Variants in LTBP4 observed in about 807,000 individuals in gnomAD.
LTBP4 encodes the protein latent-transforming growth factor beta-binding protein 4.
Under a neutral mutation model 180.2 loss-of-function variants are expected in LTBP4, and 93 were observed. That is an observed-to-expected ratio of 0.52 (90% CI 0.44 to 0.61). The LOEUF is 0.61. LTBP4 is among the 20% of genes least tolerant of loss of function. LTBP4 has a pLI of 0.00. For synonymous variants in LTBP4, 947 were observed against 934.5 expected (o/e 1.01, Z -0.24); for missense variants, 2,116 against 2,256.5 (o/e 0.94, Z 1.26).
At chr19:40,624,232 C>A in intron 26 of LTBP4, 150 bp downstream of exon 26, 1 of 1,010,766 alleles carries the variant, frequency 9.9e-7, no homozygotes, top group Non-Finnish European at 1.3e-6. Flanking sequence ...CACTCAGTCT[C>A]TGTCCCACTG....
At chr19:40,621,883 G>T (rs562114371) in intron 22 of LTBP4, among the ~76,000 whole-genome samples, 1 of 152,166 alleles carries the variant, frequency 6.6e-6, no homozygotes, top group South Asian at 2.1e-4. Context: ...AAGTAGCTGG[G>T]ATTACAGGCA....
Position 40,613,845 on chromosome 19 carries a change from T to C in LTBP4, c.2558-71T>C. On this transcript the variant is annotated intron_variant, in intron 17 of 29. Transcript: ENST00000396819. The surrounding 1 kb of genome is among the most constrained non-coding windows in gnomAD (Gnocchi z 5.0). ...GAGGCCTAGGAGAGCCGAGGGGCGG[T>C]GGAGGGGTGTGGCCTAGAATGTTAG... 6.2e-7 allele frequency: 1 copy of C among 1,600,850 alleles called. No homozygotes were observed. The highest frequency in any genetic ancestry group is 8.5e-7 in the Non-Finnish European group (1 of 1,174,398).
chr19:40,621,669 T>A (rs922526693), intron 22 of LTBP4, among the ~76,000 whole-genome samples: 12 of 150,132 alleles, frequency 8.0e-5, no homozygotes, highest in African/African-American at 2.5e-4. Flanking sequence ...GAGAAGGTGG[T>A]GGGAGAAAAA....
Position 40,625,881 on chromosome 19 carries a change from A to G in LTBP4, c.3857A>G (p.Gln1286Arg). ...GATGACAATCTGGGAGTGTGCTGGC[A>G]GGAAGTGGGGGCTGACCTCGTGTGC... is the stretch of plus-strand genomic sequence containing the variant. Reference protein sequence around the residue: ...SLDDNLGVCWQEVGADLVCSH... With the variant: ...SLDDNLGVCWREVGADLVCSH... The change falls in exon 27 of 30, where the codon CAG becomes CGG. Residue 1286 changes from glutamine (Q) to arginine (R), a missense_variant. Transcript: ENST00000396819. 1 of 1,596,138 alleles carries G rather than the reference A, an allele frequency of 6.3e-7. No homozygotes were observed. The highest frequency in any genetic ancestry group is 8.5e-7 in the Non-Finnish European group (1 of 1,172,296).
intron 15 of LTBP4, among the ~76,000 whole-genome samples, chr19:40,612,757 A>G (rs1476255734): frequency 2.0e-5 from 3 of 152,080 alleles, no homozygotes; most frequent in Non-Finnish European, 4.4e-5. Context: ...AATCCCATCC[A>G]ATGATCCTAG....
rs1422978705 is a variant in LTBP4 at position 40,614,517 on chromosome 19, AG to A, written c.2812+73del. ...CTGGAGGCTGCTCCCTTGGGGACTG[AG>A]GAGGGGCGCCCTGCTTCCCAGACTT... On this transcript the variant is annotated intron_variant, in intron 19 of 29. Coordinates refer to ENST00000396819, the MANE Select transcript of LTBP4 (RefSeq NM_001042545.2). 4.6e-6 allele frequency: 7 copies of A among 1,527,556 alleles called. No individual in the cohort carries two copies. The African/African-American group carries it at 8.2e-5, about 18-fold the overall frequency. The allele number at this position is 1,527,556 out of a possible 1,614,324, so 94.6% of individuals were successfully genotyped here.
intron 8 of LTBP4, 30 bp from the exon 9 acceptor site, chr19:40,608,454 C>A: frequency 6.3e-7 from 1 of 1,592,302 alleles, no homozygotes; most frequent in Non-Finnish European, 8.6e-7. Context: ...AGGATTTGGG[C>A]TCCACTCGTT....
In LTBP4 at chr19:40,611,204, G is replaced by A; in HGVS notation, c.1863G>A (p.Lys621=). The A allele has an allele frequency of 6.2e-7, 1 of 1,613,970 alleles. No individual in the cohort carries two copies. Among genetic ancestry groups the A allele is most frequent in the Non-Finnish European group, 8.5e-7 (1 of 1,179,874 alleles). Reference sequence around the variant, plus strand: ...GCCTGTGTGGCCGAGGGGCCTGCAAGAACCTGCCTGGCTCTTTCCGCTGTG... The same window carrying A: ...GCCTGTGTGGCCGAGGGGCCTGCAAAAACCTGCCTGGCTCTTTCCGCTGTG... ...SPGLCGRGAC[K]NLPGSFRCVC... The change falls in exon 13 of 30, where the codon AAG becomes AAA. Residue 621 remains lysine, a synonymous_variant. Transcript: ENST00000396819. This position sits in a 1 kb window ranked among gnomAD's most constrained non-coding sequence, Gnocchi z 4.4.
rs544671195 is a variant in LTBP4, at chr19:40,605,073, G to C, written c.289G>C (p.Val97Leu). 5.6e-6 allele frequency: 9 copies of C among 1,613,794 alleles called. No individual in the cohort carries two copies. In the East Asian group the frequency reaches 1.8e-4, roughly 32 times the overall value. ...GATCTGTCACAATGGCGGTGTGTGCGTGAAGCCTGACCGCTGCCTCTGTCC... is the reference window on the plus strand; with the variant it reads ...GATCTGTCACAATGGCGGTGTGTGCCTGAAGCCTGACCGCTGCCTCTGTCC... ...PLICHNGGVCVKPDRCLCPPD... is the reference protein window; with the variant it reads ...PLICHNGGVCLKPDRCLCPPD... Residue 97 changes from valine to leucine, a missense_variant, in exon 2 of 30, where the codon GTG (valine) becomes CTG (leucine). By Grantham distance (32) the Val-to-Leu change is conservative. Coordinates refer to ENST00000396819, the MANE Select transcript of LTBP4 (RefSeq NM_001042545.2). This position sits in a 1 kb window ranked among gnomAD's most constrained non-coding sequence, Gnocchi z 5.5.
chr19:40,626,128 A>G, intron 27 of LTBP4, 119 bp downstream of exon 27: 1 of 1,155,016 alleles, frequency 8.7e-7, no homozygotes, highest in Non-Finnish European at 1.2e-6. Flanking sequence ...CCCTAGACCA[A>G]CCCCTATGTC....
intron 21 of LTBP4, among the ~76,000 whole-genome samples, chr19:40,618,064 CT>C (rs796548850): frequency 2.9e-3 from 420 of 144,918 alleles, no homozygotes; most frequent in Admixed American, 2.8e-3. Flanking sequence ...TCTCTTCTCT[CT>C]TTTTTTTTTT....
chr19:40,603,746 G>C (rs1394139359), intron 1 of LTBP4, among the ~76,000 whole-genome samples: 1 of 152,104 alleles, frequency 6.6e-6, no homozygotes, highest in African/African-American at 2.4e-5. Context: ...CCTCCCCTCC[G>C]CACAGCTGTC....
At position 40,627,799 on chromosome 19, in the gene LTBP4, CTTCA is replaced by C; in HGVS notation, c.4462_4465del (p.Phe1488ProfsTer12). 1 of 1,568,426 alleles carries C rather than the reference CTTCA, an allele frequency of 6.4e-7. No homozygotes were observed. The highest frequency in any genetic ancestry group is 8.6e-7 in the Non-Finnish European group (1 of 1,161,596). ...GCCGCTGCGTGCGCGTCCCCGAAGG[CTTCA>C]CCTGCCGTTGCTTCGACGGCTACCG... is the stretch of plus-strand genomic sequence containing the variant. On this transcript the variant is annotated frameshift_variant, in exon 29 of 30. Transcript: ENST00000396819. LOFTEE classifies it high-confidence loss of function.
chr19:40,593,203 G>T, intron 1 of LTBP4: 1 of 1,613,682 alleles, frequency 6.2e-7, no homozygotes, highest in South Asian at 1.1e-5. Context: ...TGAAACCGGG[G>T]TGTTCTGAAA....
At chr19:40,593,651 C>G (rs185751145) in intron 1 of LTBP4, among the ~76,000 whole-genome samples, 53 of 151,088 alleles carry the variant, frequency 3.5e-4, no homozygotes, top group African/African-American at 1.2e-3. Flanking sequence ...GTCAGGAAAT[C>G]TAGAATATGG....
chr19:40,607,361 G>T lies in LTBP4; in HGVS notation c.992-4G>T. ...CTGAAGGATTTCCTCCCTGCTCCTC[G>T]CAGCCCAACACGTGATCTCAGAGGC... On this transcript the variant is annotated splice_region_variant and splice_polypyrimidine_tract_variant and intron_variant, in intron 6 of 29. Coordinates refer to ENST00000396819, the MANE Select transcript of LTBP4 (RefSeq NM_001042545.2). 1.9e-6 allele frequency: 3 copies of T among 1,546,232 alleles called. No individual in the cohort carries two copies. The highest frequency in any genetic ancestry group is 1.8e-5 in the Admixed American group (1 of 56,654).
At position 40,605,203 on chromosome 19, in the gene LTBP4, C is replaced by T. The variant is rs762168425; in HGVS notation, c.419C>T (p.Ala140Val). 2.1e-5 allele frequency: 34 copies of T among 1,601,292 alleles called. No individual in the cohort carries two copies. The South Asian group carries it at 2.6e-4, about 12-fold the overall frequency. ...LTRSVYTMPL[A>V]NHRDDEHGVA... ...CGCTCCGTGTACACTATGCCACTGG[C>T]CAACCACCGCGACGACGAGCACGGT... The change falls in exon 2 of 30, where the codon GCC (alanine) becomes GTC (valine). Residue 140 changes from alanine to valine, a missense_variant. Transcript: ENST00000396819. The surrounding 1 kb of genome is among the most constrained non-coding windows in gnomAD (Gnocchi z 5.5).
chr19:40,627,790 C>T lies in LTBP4; in HGVS notation c.4452C>T (p.Val1484=), dbSNP rs762921664. 1.8e-5 allele frequency: 28 copies of T among 1,572,152 alleles called. No individual in the cohort carries two copies. Among genetic ancestry groups the T allele is most frequent in the Non-Finnish European group, 2.4e-5 (28 of 1,163,204 alleles). ...DGCTNGRCVR[V]PEGFTCRCFD... ...GCACCAACGGCCGCTGCGTGCGCGT[C>T]CCCGAAGGCTTCACCTGCCGTTGCT... is the stretch of plus-strand genomic sequence containing the variant. The change falls in exon 29 of 30, where the codon GTC becomes GTT. Residue 1484 remains valine (V), a synonymous_variant. Transcript: ENST00000396819.
At chr19:40,625,393 C>A (rs2146049912) in intron 26 of LTBP4, among the ~76,000 whole-genome samples, 1 of 147,400 alleles carries the variant, frequency 6.8e-6, no homozygotes, top group East Asian at 2.0e-4. Flanking sequence ...AACCCCCCCA[C>A]CTCAGCCTCC....
Sources: allele counts gnomAD v4.1 joint callset (sites outside exome capture counted in the v4.1 genomes callset), GRCh38; gene constraint gnomAD v4.1.1; non-coding constraint Gnocchi (gnomAD v3.1); transcripts MANE v1.5; gene names NCBI Gene and HGNC (gene_info 2026-07-23, HGNC 2026-07-21).